Variants in SLC37A2 observed in about 807,000 individuals in gnomAD.
SLC37A2 encodes the protein solute carrier family 37 member 2, also known as glucose-6-phosphate exchanger SLC37A2.
A neutral mutation model predicts 70.7 loss-of-function variants in SLC37A2; 59 were observed. The ratio of observed to expected loss-of-function variants is 0.83; its 90% CI spans 0.68 to 1.04. SLC37A2 has a LOEUF of 1.04. SLC37A2 is among the 50% of genes least tolerant of loss of function. The pLI is 0.00. For missense variants in SLC37A2, 580 were observed against 658.1 expected (o/e 0.88, Z 1.30); for synonymous variants, 257 against 262.1 (o/e 0.98, Z 0.19).
Position 125,083,790 on chromosome 11 carries a change from G to A in SLC37A2, c.977-25G>A. On this transcript the variant is annotated intron_variant, in intron 10 of 17. Coordinates refer to ENST00000403796, the MANE Select transcript of SLC37A2 (RefSeq NM_001145290.2). This position sits in a 1 kb window ranked among gnomAD's most constrained non-coding sequence, Gnocchi z 4.6. ...GATGTTTGCCCCAAACCCCAGGTCT[G>A]ACCACATACCTGTATTTTCCACAGC... 2.5e-6 allele frequency: 4 copies of A among 1,612,074 alleles called. No homozygotes were observed. Among genetic ancestry groups the A allele is most frequent in the Non-Finnish European group, 3.4e-6 (4 of 1,178,124 alleles).
chr11:125,077,352 T>C (rs781740111), intron 3 of SLC37A2, 29 bp downstream of exon 3: 2 of 1,590,050 alleles, frequency 1.3e-6, no homozygotes, highest in Admixed American at 3.4e-5. Flanking sequence ...GCTCTTCCCA[T>C]TCCCCATTCC....
chr11:125,080,577 C>T lies in SLC37A2; in HGVS notation c.528-37C>T, dbSNP rs1352221938. 4 of 1,420,806 alleles carry T rather than the reference C, an allele frequency of 2.8e-6. No individual in the cohort carries two copies. The highest frequency in any genetic ancestry group is 3.7e-6 in the Non-Finnish European group (4 of 1,076,792). The allele number at this position is 1,420,806 out of a possible 1,614,324, so 88.0% of individuals were successfully genotyped here. On this transcript the variant is annotated intron_variant, in intron 6 of 17. Transcript: ENST00000403796. This position sits in a 1 kb window ranked among gnomAD's most constrained non-coding sequence, Gnocchi z 4.3. The stretch of plus-strand genomic sequence containing the variant: ...TATGAACAATGTGCTTTGCTTTTTA[C>T]TTTTTATACCTCTTCCCTTCTCTCC...
At chr11:125,086,052 A>G (rs1949211341) in intron 17 of SLC37A2, 34 bp downstream of exon 17, 1 of 1,604,478 alleles carries the variant, frequency 6.2e-7, no homozygotes, top group Non-Finnish European at 8.5e-7. Flanking sequence ...CCCCTCTACC[A>G]ACCTCATTTC....
In SLC37A2 at chr11:125,076,662, G is replaced by A. The variant is rs568518370; in HGVS notation, c.60-95G>A. On this transcript the variant is annotated intron_variant, in intron 1 of 17. Coordinates refer to ENST00000403796, the MANE Select transcript of SLC37A2 (RefSeq NM_001145290.2). The stretch of plus-strand genomic sequence containing the variant: ...AAAGAGTTGGTGGTCCTCAGGCCCT[G>A]GGACTGCCAGAGGGGACACGGGTCA... 15 of 1,144,796 alleles carry A rather than the reference G, an allele frequency of 1.3e-5. No individual in the cohort carries two copies. The African/African-American group carries it at 1.8e-4, about 14-fold the overall frequency. 70.9% of individuals were successfully genotyped at this position (1,144,796 alleles called of 1,614,324 possible). A position where few individuals can be genotyped will look rare whatever the true frequency, so the allele number is the denominator to read the frequency against.
rs1949268353 is a variant in SLC37A2 at position 125,090,093 on chromosome 11, C to T, written c.*1959C>T. On this transcript the variant is annotated 3_prime_UTR_variant, in exon 18 of 18. Coordinates refer to ENST00000403796, the MANE Select transcript of SLC37A2 (RefSeq NM_001145290.2). ...TCTGTATCTAGCTGCTCTGGTGGGG[C>T]CTCGGAGAACCTTTATATCTAGCTC... The T allele has an allele frequency of 6.6e-6, 1 of 152,260 alleles. No individual in the cohort carries two copies. Among genetic ancestry groups the T allele is most frequent in the Non-Finnish European group, 1.5e-5 (1 of 68,108 alleles). The allele number at this position is 152,260 out of a possible 1,614,324, so 9.4% of individuals were successfully genotyped here. A position where few individuals can be genotyped will look rare whatever the true frequency, so the allele number is the denominator to read the frequency against.
In SLC37A2 at chr11:125,077,506, T is replaced by C. The variant is rs374060058; in HGVS notation, c.292T>C (p.Tyr98His). The C allele has an allele frequency of 1.9e-6, 3 of 1,613,818 alleles. No individual in the cohort carries two copies. The highest frequency in any genetic ancestry group is 2.5e-6 in the Non-Finnish European group (3 of 1,179,822). The change falls in exon 4 of 18, where the codon TAT becomes CAT. Residue 98 changes from tyrosine (Y) to histidine (H), a missense_variant. Transcript: ENST00000403796. Reference protein sequence around the residue: ...GGVDNAFLIAYAIGMFISGVF... With the variant: ...GGVDNAFLIAHAIGMFISGVF... ...CGTGGACAACGCCTTCCTCATCGCCTATGCCATCGGCATGTTCATCAGGTA... is the reference window on the plus strand; with the variant it reads ...CGTGGACAACGCCTTCCTCATCGCCCATGCCATCGGCATGTTCATCAGGTA...
intron 1 of SLC37A2, among the ~76,000 whole-genome samples, chr11:125,066,002 A>G (rs1948976409): frequency 6.6e-6 from 1 of 152,228 alleles, no homozygotes; most frequent in African/African-American, 2.4e-5. Flanking sequence ...CAGTATTCTG[A>G]ACATAGAAGA....
chr11:125,066,155 G>C (rs564289897), intron 1 of SLC37A2, among the ~76,000 whole-genome samples: 1 of 152,216 alleles, frequency 6.6e-6, no homozygotes, highest in Admixed American at 6.5e-5. Context: ...CGTTCTTAAT[G>C]TTGTCTAAGT....
intron 1 of SLC37A2, among the ~76,000 whole-genome samples, chr11:125,065,476 T>A (rs1296906429): frequency 1.3e-5 from 2 of 152,256 alleles, no homozygotes; most frequent in East Asian, 3.8e-4. Context: ...AGGTTTTACC[T>A]ACTGTACTGA....
intron 16 of SLC37A2, 136 bp from the exon 17 acceptor site, chr11:125,085,818 C>G: frequency 8.2e-6 from 10 of 1,225,398 alleles, no homozygotes; most frequent in Non-Finnish European, 1.2e-5. Context: ...TCTCCCTCCC[C>G]CGAGTGACCC....
chr11:125,079,662 C>A (rs1471089890), intron 5 of SLC37A2, 22 bp from the exon 6 acceptor site: 1 of 1,574,404 alleles, frequency 6.4e-7, no homozygotes, highest in Non-Finnish European at 8.6e-7. Flanking sequence ...CTGTTCCCAC[C>A]CTCCCTTCTC....
At chr11:125,075,141 C>T (rs566831145) in intron 1 of SLC37A2, among the ~76,000 whole-genome samples, 10 of 152,318 alleles carry the variant, frequency 6.6e-5, no homozygotes, top group East Asian at 1.9e-4. Context: ...CAAAGCTTCC[C>T]GCCTCTCCCT....
At chr11:125,066,968 T>C (rs1948986800) in intron 1 of SLC37A2, among the ~76,000 whole-genome samples, 1 of 151,032 alleles carries the variant, frequency 6.6e-6, no homozygotes, top group Non-Finnish European at 1.5e-5. Context: ...AGTAACTATT[T>C]TATTTTATTT....
At position 125,063,686 on chromosome 11, in the gene SLC37A2, G is replaced by A. The variant is rs11820425; in HGVS notation, c.59+260G>A. ...CTGGGGAAGAACAGGCTGCCAGGGA[G>A]GGTCTCCATCGTTTCCCGTTTCCAT... On this transcript the variant is annotated intron_variant, in intron 1 of 17. Transcript: ENST00000403796. This position sits in a 1 kb window ranked among gnomAD's most constrained non-coding sequence, Gnocchi z 5.4. 0.24 allele frequency among the ~76,000 whole-genome samples: 36,172 copies of A among 152,156 alleles called. 4,682 individuals are homozygous for A. Among genetic ancestry groups the A allele is most frequent in the African/African-American group, 0.33 (13,829 of 41,518 alleles).
chr11:125,063,602 C>T lies in SLC37A2; in HGVS notation c.59+176C>T, dbSNP rs1217875687. 6.6e-6 allele frequency among the ~76,000 whole-genome samples: 1 copy of T among 151,946 alleles called. No individual in the cohort carries two copies. Among genetic ancestry groups the T allele is most frequent in the Admixed American group, 6.5e-5 (1 of 15,286 alleles). On this transcript the variant is annotated intron_variant, in intron 1 of 17. Transcript: ENST00000403796. This position sits in a 1 kb window ranked among gnomAD's most constrained non-coding sequence, Gnocchi z 5.4. Reference sequence around the variant, plus strand: ...CGGCGCCCGCCTCGGAGGTTGATAACCCTCCCTGCCCAACTCCGCCCGCGC... The same window carrying T: ...CGGCGCCCGCCTCGGAGGTTGATAATCCTCCCTGCCCAACTCCGCCCGCGC...
intron 17 of SLC37A2, chr11:125,086,632 CCAAT>C (rs1444367708): frequency 3.3e-6 from 1 of 306,958 alleles, no homozygotes; most frequent in Non-Finnish European, 6.3e-6. Context: ...AAAGCAACTA[CCAAT>C]CAAAGTCTCT....
Position 125,081,498 on chromosome 11 carries a change from C to G in SLC37A2, c.732+40C>G. The G allele has an allele frequency of 1.9e-6, 3 of 1,589,512 alleles. No individual in the cohort carries two copies. The South Asian group carries it at 3.4e-5, about 18-fold the overall frequency. ...TCCCAGCCCTATCCCTGCCCTCCAA[C>G]TCCATCCAGAGGGCTGGACCCGGAG... On this transcript the variant is annotated intron_variant, in intron 8 of 17. Coordinates refer to ENST00000403796, the MANE Select transcript of SLC37A2 (RefSeq NM_001145290.2).
At position 125,080,503 on chromosome 11, in the gene SLC37A2, C is replaced by T. The variant is rs1949134447; in HGVS notation, c.528-111C>T. On this transcript the variant is annotated intron_variant, in intron 6 of 17. Transcript: ENST00000403796. The surrounding 1 kb of genome is among the most constrained non-coding windows in gnomAD (Gnocchi z 4.3). ...GGCTTTGGGGCTGTCTTTGGTGCCT[C>T]GGGGAAGCTGTAGTCAGCCCAGCTT... 12 of 1,081,136 alleles carry T rather than the reference C, an allele frequency of 1.1e-5. No homozygotes were observed. In the South Asian group the frequency reaches 1.4e-4, roughly 12 times the overall value. The allele number at this position is 1,081,136 out of a possible 1,614,324, so 67.0% of individuals were successfully genotyped here.
chr11:125,074,807 G>A (rs1039029212), intron 1 of SLC37A2, among the ~76,000 whole-genome samples: 1 of 152,206 alleles, frequency 6.6e-6, no homozygotes, highest in African/African-American at 2.4e-5. Flanking sequence ...TCATAGCTGG[G>A]GCCCCAGTGG....
Sources: allele counts gnomAD v4.1 joint callset (sites outside exome capture counted in the v4.1 genomes callset), GRCh38; gene constraint gnomAD v4.1.1; non-coding constraint Gnocchi (gnomAD v3.1); transcripts MANE v1.5; gene names NCBI Gene and HGNC (gene_info 2026-07-23, HGNC 2026-07-21).